Variants in VGF observed in about 807,000 individuals in gnomAD.
VGF encodes neurosecretory protein VGF.
VGF carries 13 observed loss-of-function variants against 41.1 expected under a neutral mutation model. That is an observed-to-expected ratio of 0.32 (90% CI 0.21 to 0.50). The LOEUF (loss-of-function observed/expected upper bound fraction) is 0.50. Ranked by LOEUF, VGF falls within the 20% of genes least tolerant of loss-of-function variation. The pLI, the probability that VGF is intolerant of heterozygous loss-of-function variation, is 0.98. For missense variants in VGF, 920 were observed against 882.1 expected (o/e 1.04, Z -0.54); for synonymous variants, 473 against 418.3 (o/e 1.13, Z -1.60).
upstream of VGF, among the ~76,000 whole-genome samples, chr7:101,169,761 AAC>A (rs1330107063): frequency 1.3e-5 from 2 of 152,202 alleles, no homozygotes; most frequent in African/African-American, 4.8e-5. Flanking sequence ...ATCAAAAAGC[AAC>A]AGAAAAAAAA....
At position 101,165,405 on chromosome 7, in the gene VGF, G is replaced by C. The variant is rs1797201644; in HGVS notation, c.-52C>G. ...GTGTCACGACGCGAGAGGTGGAGAG[G>C]AGGGTCGGGGCAGGGTGGGGACAGG... On this transcript the variant is annotated 5_prime_UTR_variant, in exon 1 of 2. Transcript: ENST00000249330. The C allele has an allele frequency of 1.0e-6, 1 of 985,444 alleles. No homozygotes were observed. The highest frequency in any genetic ancestry group is 1.2e-6 in the Non-Finnish European group (1 of 830,018). The allele number at this position is 985,444 out of a possible 1,614,324, so 61.0% of individuals were successfully genotyped here.
rs1797197161 is a variant in VGF, at chr7:101,165,121, C to T, written c.-21+253G>A. 3.4e-6 allele frequency: 4 copies of T among 1,185,856 alleles called. No homozygotes were observed. The Admixed American group carries it at 1.2e-4, about 37-fold the overall frequency. 73.5% of individuals were successfully genotyped at this position (1,185,856 alleles called of 1,614,324 possible). On this transcript the variant is annotated intron_variant, in intron 1 of 1. Transcript: ENST00000249330. ...CCCCTTCCCTGAGCCATCTCACTGC[C>T]ATCGCCCACGTACTAAGCAGCAGCA...
rs776452487 is a variant in VGF, at chr7:101,164,077, G to A, written c.767C>T (p.Thr256Ile). ...KFGEGVSSPK[T>I]HLGEALAPLS... The stretch of plus-strand genomic sequence containing the variant: ...GGGTGCCAATGCCTCGCCTAGGTGT[G>A]TTTTGGGGGAGGACACTCCTTCCCC... Residue 256 changes from threonine (T) to isoleucine (I), a missense_variant, in exon 2 of 2, where the codon ACA becomes ATA. Thr to Ile is a moderately conservative substitution (Grantham distance 89). This residue lies in a region of VGF where 654 missense variants were observed against 638.4 expected (regional missense o/e 1.02). Transcript: ENST00000249330. 6.0e-6 allele frequency: 9 copies of A among 1,500,432 alleles called. No individual in the cohort carries two copies. In the South Asian group the frequency reaches 1.2e-4, roughly 20 times the overall value. The allele number at this position is 1,500,432 out of a possible 1,614,324, so 92.9% of individuals were successfully genotyped here.
Position 101,162,921 on chromosome 7 carries a change from G to C in VGF, c.*75C>G, listed in dbSNP as rs1181023391. 2.7e-6 allele frequency: 2 copies of C among 734,044 alleles called. No homozygotes were observed. The highest frequency in any genetic ancestry group is 4.0e-6 in the Non-Finnish European group (2 of 502,874). The allele number at this position is 734,044 out of a possible 1,614,324, so 45.5% of individuals were successfully genotyped here. On this transcript the variant is annotated 3_prime_UTR_variant, in exon 2 of 2. Transcript: ENST00000249330. The surrounding 1 kb of genome is among the most constrained non-coding windows in gnomAD (Gnocchi z 4.2). ...CGGGGCGCATGCAAACACCGAGGGG[G>C]AGCGGGCAACACGGAGGGGGGCGCC...
rs770032327 is a variant in VGF at position 101,162,832 on chromosome 7, CG to C, written c.*163del. 1.1e-4 allele frequency: 74 copies of C among 665,682 alleles called. No homozygotes were observed. In the Middle Eastern group the frequency reaches 1.9e-3, roughly 17 times the overall value. The allele number at this position is 665,682 out of a possible 1,614,324, so 41.2% of individuals were successfully genotyped here. A position where few individuals can be genotyped will look rare whatever the true frequency, so the allele number is the denominator to read the frequency against. On this transcript the variant is annotated 3_prime_UTR_variant, in exon 2 of 2. Transcript: ENST00000249330. This position sits in a 1 kb window ranked among gnomAD's most constrained non-coding sequence, Gnocchi z 4.2. ...GCTCTGGGAGTTCGGGCTCAGGACC[CG>C]GGAGGGGGGTCTGGCAGGTCCCGAC...
chr7:101,165,590 C>T (rs1797204716), upstream of VGF: 7 of 985,430 alleles, frequency 7.1e-6, no homozygotes, highest in Non-Finnish European at 8.4e-6. Flanking sequence ...CGCGCCTCCA[C>T]CGCCTTATAA....
Position 101,164,129 on chromosome 7 carries a change from C to T in VGF, c.715G>A (p.Gly239Arg), listed in dbSNP as rs760679309. The T allele has an allele frequency of 4.7e-6, 7 of 1,502,452 alleles. No individual in the cohort carries two copies. Among genetic ancestry groups the T allele is most frequent in the Non-Finnish European group, 5.3e-6 (6 of 1,133,964 alleles). The allele number at this position is 1,502,452 out of a possible 1,614,324, so 93.1% of individuals were successfully genotyped here. A position where few individuals can be genotyped will look rare whatever the true frequency, so the allele number is the denominator to read the frequency against. ...SQFQARMPDS[G>R]PLPETHKFGE... is the part of the protein sequence containing the mutation. ...AACTTGTGGGTTTCGGGAAGGGGCCCGCTGTCGGGCATACGCGCCTGGAAT... is the reference window on the plus strand; with the variant it reads ...AACTTGTGGGTTTCGGGAAGGGGCCTGCTGTCGGGCATACGCGCCTGGAAT... The change falls in exon 2 of 2, where the codon GGG (glycine) becomes AGG (arginine). Residue 239 changes from glycine (G) to arginine (R), a missense_variant. This residue lies in a region of VGF where 654 missense variants were observed against 638.4 expected (regional missense o/e 1.02). Coordinates refer to ENST00000249330, the MANE Select transcript of VGF (RefSeq NM_003378.4).
rs754018346 is a variant in VGF, at chr7:101,164,558, G to T, written c.286C>A (p.Pro96Thr). The T allele has an allele frequency of 6.3e-7, 1 of 1,599,644 alleles. No homozygotes were observed. The highest frequency in any genetic ancestry group is 8.5e-7 in the Non-Finnish European group (1 of 1,177,632). Reference protein sequence around the residue: ...LLQALDRPASPPAPSGSQQGP... With the variant: ...LLQALDRPASTPAPSGSQQGP... ...TGCTGGGAGCCGCTTGGTGCCGGGG[G>T]TGAGGCGGGACGGTCGAGTGCCTGC... Residue 96 changes from proline (P) to threonine (T), a missense_variant, in exon 2 of 2, where the codon CCC becomes ACC. Transcript: ENST00000249330.
At chr7:101,166,805 C>A (rs1797226975), upstream of VGF, among the ~76,000 whole-genome samples, 1 of 73,806 alleles carries the variant, frequency 1.4e-5, no homozygotes. Context: ...GGGGAGGGGG[C>A]AGGGGAGAGG....
At position 101,163,622 on chromosome 7, in the gene VGF, C is replaced by T. The variant is rs1459969964; in HGVS notation, c.1222G>A (p.Glu408Lys). The T allele has an allele frequency of 1.9e-6, 3 of 1,548,620 alleles. No individual in the cohort carries two copies. The highest frequency in any genetic ancestry group is 1.7e-6 in the Non-Finnish European group (2 of 1,149,692). ...TCGGCGCCGGCTTCCCCGTCCTCCTCCTCCGCGAACAGGAGCGCGTTCTGC... is the reference window on the plus strand; with the variant it reads ...TCGGCGCCGGCTTCCCCGTCCTCCTTCTCCGCGAACAGGAGCGCGTTCTGC... ...ARQNALLFAEEEDGEAGAEDK... is the reference protein window; with the variant it reads ...ARQNALLFAEKEDGEAGAEDK... Residue 408 changes from glutamate to lysine, a missense_variant, in exon 2 of 2, where the codon GAG becomes AAG. Transcript: ENST00000249330. This position sits in a 1 kb window ranked among gnomAD's most constrained non-coding sequence, Gnocchi z 5.0.
At chr7:101,169,664 A>G (rs1408644286), upstream of VGF, among the ~76,000 whole-genome samples, 1 of 152,164 alleles carries the variant, frequency 6.6e-6, no homozygotes, top group Non-Finnish European at 1.5e-5. Flanking sequence ...AGGGACTCAC[A>G]GGCTGCGCTG....
upstream of VGF, among the ~76,000 whole-genome samples, chr7:101,166,042 T>C (rs1281911539): frequency 6.6e-6 from 1 of 152,042 alleles, no homozygotes; most frequent in Non-Finnish European, 1.5e-5. Context: ...AGCTCAATAC[T>C]GGGGAGGGGA....
At position 101,164,169 on chromosome 7, in the gene VGF, G is replaced by A; in HGVS notation, c.675C>T (p.Pro225=). Residue 225 remains proline (P), a synonymous_variant, in exon 2 of 2, where the codon CCC becomes CCT. Coordinates refer to ENST00000249330, the MANE Select transcript of VGF (RefSeq NM_003378.4). ...GCGCCTGGAATTGAGAGGGGGCCGG[G>A]GGCGGCAGGGGCGCGCGCTCCGGGA... ...ARVPERAPLP[P]PAPSQFQARM... 1 of 1,509,876 alleles carries A rather than the reference G, an allele frequency of 6.6e-7. No individual in the cohort carries two copies. The highest frequency in any genetic ancestry group is 8.8e-7 in the Non-Finnish European group (1 of 1,136,578). 93.5% of individuals were successfully genotyped at this position (1,509,876 alleles called of 1,614,324 possible).
At chr7:101,168,009 G>GTTTT (rs374063215), upstream of VGF, among the ~76,000 whole-genome samples, 170 of 99,846 alleles carry the variant, frequency 1.7e-3, 4 homozygotes, top group Non-Finnish European at 2.2e-3. Flanking sequence ...GTGCTGGGTT[G>GTTTT]TTTTTTTTTG....
In VGF at chr7:101,162,970, C is replaced by A; in HGVS notation, c.*26G>T. 3.3e-6 allele frequency: 4 copies of A among 1,214,804 alleles called. No homozygotes were observed. The highest frequency in any genetic ancestry group is 4.2e-6 in the Non-Finnish European group (4 of 948,832). The allele number at this position is 1,214,804 out of a possible 1,614,324, so 75.3% of individuals were successfully genotyped here. The stretch of plus-strand genomic sequence containing the variant: ...CCGGCGCGCGCGCGCGGCGGGGGCG[C>A]GCGGGGGCGGGACCGGGAAGGGCAG... On this transcript the variant is annotated 3_prime_UTR_variant, in exon 2 of 2. Transcript: ENST00000249330. This position sits in a 1 kb window ranked among gnomAD's most constrained non-coding sequence, Gnocchi z 4.2.
In VGF at chr7:101,164,278, G is replaced by A. The variant is rs993099810; in HGVS notation, c.566C>T (p.Thr189Met). The A allele has an allele frequency of 6.2e-7, 1 of 1,605,764 alleles. No individual in the cohort carries two copies. The highest frequency in any genetic ancestry group is 1.1e-5 in the South Asian group (1 of 91,068). Residue 189 changes from threonine to methionine, a missense_variant, in exon 2 of 2, where the codon ACG (threonine) becomes ATG (methionine). By Grantham distance (81) the Thr-to-Met change is moderately conservative. Around this residue, in one of 3 missense-constraint regions of VGF, gnomAD observed 654 missense variants for 638.4 expected, o/e 1.02. Coordinates refer to ENST00000249330, the MANE Select transcript of VGF (RefSeq NM_003378.4). ...ETAAAETETR[T>M]HTLTRVNLES... ...CAGATTCACTCGGGTCAGCGTGTGC[G>A]TGCGGGTTTCCGTCTCTGCTGCCGC... is the stretch of plus-strand genomic sequence containing the variant.
Position 101,163,999 on chromosome 7 carries a change from G to A in VGF, c.845C>T (p.Pro282Leu). The A allele has an allele frequency of 6.8e-7, 1 of 1,469,770 alleles. No homozygotes were observed. Among genetic ancestry groups the A allele is most frequent in the Non-Finnish European group, 8.9e-7 (1 of 1,124,066 alleles). 91.0% of individuals were successfully genotyped at this position (1,469,770 alleles called of 1,614,324 possible). ...GGAGCCGCCCAGGAGTGCGCTCTCC[G>A]GCCGGCGCGCCTTGGGGAACGGGGC... ...VAAPFPKARR[P>L]ESALLGGSEA... Residue 282 changes from proline (P) to leucine (L), a missense_variant, in exon 2 of 2, where the codon CCG becomes CTG. By Grantham distance (98) the Pro-to-Leu change is moderately conservative (BLOSUM62 -3). Coordinates refer to ENST00000249330, the MANE Select transcript of VGF (RefSeq NM_003378.4). This position sits in a 1 kb window ranked among gnomAD's most constrained non-coding sequence, Gnocchi z 5.0.
chr7:101,165,706 G>A (rs1797207336), upstream of VGF: 1 of 970,424 alleles, frequency 1.0e-6, no homozygotes, highest in Non-Finnish European at 1.2e-6. Flanking sequence ...CCCGACGATT[G>A]GAGGGTGCCT....
Position 101,163,599 on chromosome 7 carries a change from G to A in VGF, c.1245C>T (p.Ala415=). 3.9e-6 allele frequency: 6 copies of A among 1,558,420 alleles called. No individual in the cohort carries two copies. Among genetic ancestry groups the A allele is most frequent in the Non-Finnish European group, 5.2e-6 (6 of 1,153,328 alleles). The change falls in exon 2 of 2, where the codon GCC becomes GCT. Residue 415 remains alanine (A), a synonymous_variant. Transcript: ENST00000249330. The surrounding 1 kb of genome is among the most constrained non-coding windows in gnomAD (Gnocchi z 5.0). ...FAEEEDGEAG[A]EDKRSQEETP... ...TCTCCTCCTGGGAGCGCTTGTCCTC[G>A]GCGCCGGCTTCCCCGTCCTCCTCCT...
Sources: gnomAD v4.1 joint callset for allele counts (sites outside exome capture counted in the v4.1 genomes callset) on GRCh38, gnomAD v4.1.1 for gene constraint, gnomAD v4.1.1 regional missense constraint, Gnocchi (gnomAD v3.1) non-coding constraint, MANE v1.5 for transcripts, NCBI Gene and HGNC (gene_info 2026-07-23, HGNC 2026-07-21) for gene names.